The following DOK3 variants were observed in gnomAD, a reference collection of about 807,000 sequenced individuals.
DOK3 encodes Dok-like protein.
Under a neutral mutation model 26.2 loss-of-function variants are expected in DOK3, and 23 were observed. The observed-to-expected ratio is 0.88, with a 90% CI of 0.63 to 1.24. DOK3 has a LOEUF of 1.24. Ranked by LOEUF, DOK3 falls within the 50% of genes most tolerant of loss-of-function variation. The pLI is 0.00. For missense variants in DOK3, 619 were observed against 610.6 expected, an observed-to-expected ratio of 1.01 and a Z score of -0.15; for synonymous variants, 268 against 268.2, an observed-to-expected ratio of 1.00 and a Z score of 0.01.
upstream of DOK3, chr5:177,510,326 G>T: frequency 5.4e-6 from 1 of 185,622 alleles, no homozygotes; most frequent in South Asian, 1.1e-4. Flanking sequence ...ACTCCACGCT[G>T]TCCGAGAGCT....
At position 177,503,438 on chromosome 5, in the gene DOK3, G is replaced by A. The variant is rs975591524; in HGVS notation, c.*545C>T. 1 of 1,497,334 alleles carries A rather than the reference G, an allele frequency of 6.7e-7. No individual in the cohort carries two copies. The highest frequency in any genetic ancestry group is 1.3e-5 in the South Asian group (1 of 75,898). 92.8% of individuals were successfully genotyped at this position (1,497,334 alleles called of 1,614,324 possible). On this transcript the variant is annotated 3_prime_UTR_variant, in exon 6 of 6. Coordinates refer to ENST00000510898, the MANE Select transcript of DOK3 (RefSeq NM_001308236.3). ...AGCAGGGAACAAGTGTTTTGGACGA[G>A]GGTGTCTCTGAAATCCCTTCCACCT...
chr5:177,507,431 T>C (rs1186357249), intron 3 of DOK3, among the ~76,000 whole-genome samples: 1 of 151,994 alleles, frequency 6.6e-6, no homozygotes, highest in Non-Finnish European at 1.5e-5. Context: ...TGGCTGTGAG[T>C]AGTGCTGCTA....
At chr5:177,504,719 C>A in intron 5 of DOK3, 24 bp downstream of exon 5, 1 of 1,613,978 alleles carries the variant, frequency 6.2e-7, no homozygotes, top group Non-Finnish European at 8.5e-7. Context: ...CAGCCCCTCA[C>A]CCTTTCCCAC....
Position 177,504,462 on chromosome 5 carries a change from C to T in DOK3, c.844G>A (p.Gly282Arg), listed in dbSNP as rs577271160. ...CCTGGTGGCATCTCCCGAAGCTCTC[C>T]GGGGGTGTCCAGGGAGGGCAGAGAG... Reference protein sequence around the residue: ...ATSLPSLDTPGELREMPPGPE... With the variant: ...ATSLPSLDTPRELREMPPGPE... Residue 282 changes from glycine (G) to arginine (R), a missense_variant, in exon 6 of 6, where the codon GGA becomes AGA. By Grantham distance (125) the Gly-to-Arg change is moderately radical. Coordinates refer to ENST00000510898, the MANE Select transcript of DOK3 (RefSeq NM_001308236.3). 1.1e-4 allele frequency: 175 copies of T among 1,582,090 alleles called. No homozygotes were observed. The Admixed American group carries it at 2.3e-3, about 21-fold the overall frequency.
upstream of DOK3, chr5:177,510,360 C>T (rs1004689901): frequency 1.2e-5 from 2 of 162,324 alleles, no homozygotes; most frequent in African/African-American, 4.8e-5. Flanking sequence ...GGTATACACT[C>T]ACGCTGGGCA....
At chr5:177,510,232 C>G (rs544875660), upstream of DOK3, 3 of 315,588 alleles carry the variant, frequency 9.5e-6, no homozygotes, top group African/African-American at 2.1e-5. Context: ...GCATCTCCCC[C>G]AGGCCAGCCC....
At chr5:177,509,938 T>A, upstream of DOK3, 1 of 1,544,818 alleles carries the variant, frequency 6.5e-7, no homozygotes, top group Non-Finnish European at 8.8e-7. Flanking sequence ...CCCAGGACCC[T>A]TCTCTAGCCA....
chr5:177,508,729 G>T, intron 2 of DOK3, 187 bp from the exon 3 acceptor site: 1 of 564,746 alleles, frequency 1.8e-6, no homozygotes, highest in Non-Finnish European at 3.0e-6. Flanking sequence ...TCAAATCCCA[G>T]CCCGCTCTTT....
At chr5:177,504,701 C>T in intron 5 of DOK3, 41 bp from the exon 6 acceptor site, 3 of 1,613,780 alleles carry the variant, frequency 1.9e-6, no homozygotes, top group Non-Finnish European at 2.5e-6. Flanking sequence ...CAGGAGGGTC[C>T]AGGGTGTCAG....
At position 177,505,090 on chromosome 5, in the gene DOK3, TGAG is replaced by T. The variant is rs761564211; in HGVS notation, c.390_392del (p.Ser131del). ...TGGGAGACTGGGCATCTGTGGATCCTGAGGAGGCCTCCCCTGTCCCCTGGGGAA... is the reference window on the plus strand; with the variant it reads ...TGGGAGACTGGGCATCTGTGGATCCTGAGGCCTCCCCTGTCCCCTGGGGAA... On this transcript the variant is annotated inframe_deletion, in exon 4 of 6. Coordinates refer to ENST00000510898, the MANE Select transcript of DOK3 (RefSeq NM_001308236.3). 1.7e-5 allele frequency: 27 copies of T among 1,611,644 alleles called. No individual in the cohort carries two copies. The Admixed American group carries it at 2.9e-4, about 17-fold the overall frequency.
upstream of DOK3, chr5:177,510,182 C>T (rs2127434284): frequency 4.2e-6 from 2 of 480,500 alleles, no homozygotes; most frequent in South Asian, 2.6e-5. Flanking sequence ...GCAGCCCAGG[C>T]TCCTCAGCCC....
intron 3 of DOK3, among the ~76,000 whole-genome samples, chr5:177,505,770 CT>C (rs757817355): frequency 1.1e-4 from 17 of 151,540 alleles, no homozygotes; most frequent in African/African-American, 2.9e-4. Context: ...GAGTCTCACT[CT>C]TGTCGCCCAG....
Position 177,508,771 on chromosome 5 carries a change from G to A in DOK3, c.67-229C>T, listed in dbSNP as rs140866310. ...TGTGACCTCCACAAGCATCAATGTC[G>A]TCTCTCAAAAGGCCATGAGAACTCG... On this transcript the variant is annotated intron_variant, in intron 2 of 5. Transcript: ENST00000510898. 411 of 453,296 alleles carry A rather than the reference G, an allele frequency of 9.1e-4. 1 individual carries two copies. Among genetic ancestry groups the A allele is most frequent in the African/African-American group, 7.6e-3 (388 of 51,064 alleles). 28.1% of individuals were successfully genotyped at this position (453,296 alleles called of 1,614,324 possible). A position where few individuals can be genotyped will look rare whatever the true frequency, so the allele number is the denominator to read the frequency against.
Position 177,504,761 on chromosome 5 carries a change from G to A in DOK3, c.627C>T (p.Arg209=). The change falls in exon 5 of 6, where the codon CGC becomes CGT. Residue 209 remains arginine, a synonymous_variant. Transcript: ENST00000510898. Reference sequence around the variant, plus strand: ...ACCTCACCTTGTCGGAGCCGAACTTGCGCAGGAAGTGGTAGGGCCAGCTGT... The same window carrying A: ...ACCTCACCTTGTCGGAGCCGAACTTACGCAGGAAGTGGTAGGGCCAGCTGT... ...ALYSWPYHFL[R]KFGSDKGVFS... is the part of the protein sequence containing the mutation. 6.2e-7 allele frequency: 1 copy of A among 1,614,054 alleles called. No homozygotes were observed. Among genetic ancestry groups the A allele is most frequent in the South Asian group, 1.1e-5 (1 of 91,092 alleles).
chr5:177,508,886 C>T, intron 2 of DOK3: 1 of 294,542 alleles, frequency 3.4e-6, no homozygotes, highest in Non-Finnish European at 6.3e-6. Context: ...CCCTCTCACC[C>T]CCAAAAAGGG....
At chr5:177,504,972 T>TG in intron 4 of DOK3, 39 bp downstream of exon 4, 1 of 1,587,340 alleles carries the variant, frequency 6.3e-7, no homozygotes, top group Non-Finnish European at 8.6e-7. Flanking sequence ...GCCCTGGGTG[T>TG]GGGGGGCTGA....
At position 177,502,450 on chromosome 5, in the gene DOK3, C is replaced by T. The variant is rs1477149784; in HGVS notation, c.*1533G>A. 6.6e-6 allele frequency: 1 copy of T among 152,648 alleles called. No individual in the cohort carries two copies. Among genetic ancestry groups the T allele is most frequent in the Non-Finnish European group, 1.5e-5 (1 of 68,368 alleles). 9.5% of individuals were successfully genotyped at this position (152,648 alleles called of 1,614,324 possible). ...TGGGCGCAGGAGAGAGTGGGGACAG[C>T]TCAATTTTCCAAGCTCTGAGGTGAA... is the stretch of plus-strand genomic sequence containing the variant. On this transcript the variant is annotated 3_prime_UTR_variant, in exon 6 of 6. Transcript: ENST00000510898.
Position 177,504,552 on chromosome 5 carries a change from C to A in DOK3, c.754G>T (p.Ala252Ser). The change falls in exon 6 of 6, where the codon GCC (alanine) becomes TCC (serine). Residue 252 changes from alanine to serine, a missense_variant. Transcript: ENST00000510898. ...DLCRAVAGAIARQRERLPELT... is the reference protein window; with the variant it reads ...DLCRAVAGAISRQRERLPELT... Reference sequence around the variant, plus strand: ...TCTGGCAGCCGCTCCCGCTGGCGGGCGATGGCCCCGGCCACAGCCCTGCAC... The same window carrying A: ...TCTGGCAGCCGCTCCCGCTGGCGGGAGATGGCCCCGGCCACAGCCCTGCAC... 1.9e-6 allele frequency: 3 copies of A among 1,592,836 alleles called. No individual in the cohort carries two copies. The highest frequency in any genetic ancestry group is 2.6e-6 in the Non-Finnish European group (3 of 1,172,248).
At position 177,503,027 on chromosome 5, in the gene DOK3, C is replaced by A; in HGVS notation, c.*956G>T. ...ACAGGAGAGAGCAAAAATTGTGTGT[C>A]CGTCATGAAAATGAGGTTCAGGATG... On this transcript the variant is annotated 3_prime_UTR_variant, in exon 6 of 6. Transcript: ENST00000510898. The A allele has an allele frequency of 6.7e-7, 1 of 1,502,916 alleles. No individual in the cohort carries two copies. The highest frequency in any genetic ancestry group is 8.9e-7 in the Non-Finnish European group (1 of 1,118,154). The allele number at this position is 1,502,916 out of a possible 1,614,324, so 93.1% of individuals were successfully genotyped here.
Sources: gnomAD v4.1 joint callset for allele counts (sites outside exome capture counted in the v4.1 genomes callset) on GRCh38, gnomAD v4.1.1 for gene constraint, MANE v1.5 for transcripts, NCBI Gene and HGNC (gene_info 2026-07-23, HGNC 2026-07-21) for gene names.